RBFOX1: variants seen among roughly 807,000 people sequenced by gnomAD.
The protein encoded by RBFOX1 is RNA binding fox-1 homolog 1, also known as RNA binding protein fox-1 homolog 1.
RBFOX1 carries 8 observed loss-of-function variants against 57.7 expected under a neutral mutation model. That is an observed-to-expected ratio of 0.14 (90% confidence interval 0.08 to 0.25). RBFOX1 has a LOEUF of 0.25. RBFOX1 is among the 10% of genes least tolerant of loss of function. The pLI, the probability that RBFOX1 is intolerant of heterozygous loss-of-function variation, is 1.00. For missense variants in RBFOX1, 611 were observed against 548.5 expected (o/e 1.11, Z -1.14); for synonymous variants, 326 against 222.4 (o/e 1.47, Z -4.15).
intron 1 of RBFOX1, among the ~76,000 whole-genome samples, chr16:5,249,598 G>A (rs1013537840): frequency 5.3e-5 from 8 of 152,224 alleles, no homozygotes; most frequent in African/African-American, 1.4e-4. Flanking sequence ...GAGGGTCTAT[G>A]TGGTCTGAGT....
intron 2 of RBFOX1, among the ~76,000 whole-genome samples, chr16:5,536,824 G>T (rs1462308775): frequency 2.0e-5 from 3 of 152,054 alleles, no homozygotes; most frequent in Non-Finnish European, 1.5e-5. Context: ...GGGGGGAGTT[G>T]GTCAACAGAC....
rs73517584 is a variant in RBFOX1 at position 5,576,318 on chromosome 16, C to A, written c.259-22584C>A. Among the ~76,000 whole-genome samples, 505 of 152,160 alleles carry A rather than the reference C, an allele frequency of 3.3e-3. 4 individuals carry two copies. The highest frequency in any genetic ancestry group is 0.011 in the African/African-American group (471 of 41,516). The stretch of plus-strand genomic sequence containing the variant: ...AGAAGTTTTCATTTTTTGATGGGGT[C>A]CTGTTAAGATTACTTCATAATCCTT... On this transcript the variant is annotated intron_variant, in intron 2 of 2. Coordinates refer to the RBFOX1 transcript ENST00000585867.
At chr16:6,432,024 C>T (rs571150021) in intron 2 of RBFOX1, among the ~76,000 whole-genome samples, 91 of 151,372 alleles carry the variant, frequency 6.0e-4, no homozygotes, top group Non-Finnish European at 1.0e-3. Context: ...TGCCACTGCA[C>T]GACTATAGCT....
chr16:6,549,033 C>T (rs112115696), intron 2 of RBFOX1, among the ~76,000 whole-genome samples: 6 of 147,630 alleles, frequency 4.1e-5, no homozygotes, highest in African/African-American at 1.5e-4. Flanking sequence ...TGAGATCATG[C>T]CACTGCACTC....
At chr16:5,286,984 G>A (rs544092292) in intron 1 of RBFOX1, among the ~76,000 whole-genome samples, 6 of 152,282 alleles carry the variant, frequency 3.9e-5, no homozygotes, top group East Asian at 1.9e-4. Flanking sequence ...AAAGCAACCC[G>A]CTGTCAGAAT....
chr16:6,116,235 C>T (rs924278688), intron 1 of RBFOX1, among the ~76,000 whole-genome samples: 8 of 147,980 alleles, frequency 5.4e-5, no homozygotes, highest in African/African-American at 7.6e-5. Context: ...CACATGGACA[C>T]AGGGAGGGGA....
intron 3 of RBFOX1, among the ~76,000 whole-genome samples, chr16:5,819,263 C>T (rs193019041): frequency 4.7e-4 from 71 of 152,296 alleles, no homozygotes; most frequent in African/African-American, 1.5e-3. Flanking sequence ...AAGGATCATA[C>T]GAGCTCTCTG....
At chr16:7,040,987 C>G (rs1047882512) in intron 3 of RBFOX1, among the ~76,000 whole-genome samples, 1 of 151,210 alleles carries the variant, frequency 6.6e-6, no homozygotes, top group South Asian at 2.1e-4. Flanking sequence ...GCAATCTCTG[C>G]TCATTGCAAC....
At chr16:5,962,210 C>G (rs1438745195) in intron 4 of RBFOX1, among the ~76,000 whole-genome samples, 1 of 152,218 alleles carries the variant, frequency 6.6e-6, no homozygotes, top group Non-Finnish European at 1.5e-5. Context: ...GTCACATTCA[C>G]TCTTTATACC....
At chr16:5,503,259 A>C (rs887519172) in intron 2 of RBFOX1, among the ~76,000 whole-genome samples, 10 of 152,306 alleles carry the variant, frequency 6.6e-5, no homozygotes, top group South Asian at 6.2e-4. Context: ...AGGAAGATCC[A>C]AGAGGACCTC....
chr16:6,958,815 G>A (rs1598392453), intron 3 of RBFOX1, among the ~76,000 whole-genome samples: 1 of 152,146 alleles, frequency 6.6e-6, no homozygotes. Flanking sequence ...GTGTCATTAT[G>A]GAGATGAGGG....
At position 7,313,384 on chromosome 16, in the gene RBFOX1, G is replaced by A. The variant is rs190498568; in HGVS notation, c.28-204763G>A. On this transcript the variant is annotated intron_variant, in intron 4 of 15. Coordinates refer to ENST00000550418, the MANE Select transcript of RBFOX1 (RefSeq NM_018723.4). ...TGCAGTGGCAGAACCTTCCACTGGG[G>A]GTCTCCATTTAGAGTACGTGACTCA... Among the ~76,000 whole-genome samples, 3 of 151,784 alleles carry A rather than the reference G, an allele frequency of 2.0e-5. No individual in the cohort carries two copies. The East Asian group carries it at 5.8e-4, about 30-fold the overall frequency.
intron 3 of RBFOX1, among the ~76,000 whole-genome samples, chr16:6,968,473 T>G (rs142513223): frequency 6.6e-6 from 1 of 152,178 alleles, no homozygotes; most frequent in Admixed American, 6.5e-5. Context: ...ACCGAAAAAC[T>G]GAGGCTTCTC....
intron 2 of RBFOX1, among the ~76,000 whole-genome samples, chr16:6,430,636 G>A (rs974620665): frequency 2.0e-5 from 3 of 152,060 alleles, no homozygotes; most frequent in African/African-American, 7.2e-5. Flanking sequence ...AGGTGTGAGA[G>A]GAAACAAGCC....
At chr16:6,080,331 C>T (rs1369833190) in intron 1 of RBFOX1, among the ~76,000 whole-genome samples, 1 of 152,130 alleles carries the variant, frequency 6.6e-6, no homozygotes, top group Admixed American at 6.5e-5. Context: ...ACCTGGGTAT[C>T]TCTGACCTTC....
intron 11 of RBFOX1, among the ~76,000 whole-genome samples, chr16:7,643,049 A>G (rs544341589): frequency 6.6e-6 from 1 of 152,334 alleles, no homozygotes; most frequent in South Asian, 2.1e-4. Context: ...CTGTTGGATT[A>G]ATCTAGCCAT....
chr16:6,472,721 C>T (rs1046444944), intron 2 of RBFOX1, among the ~76,000 whole-genome samples: 4 of 151,734 alleles, frequency 2.6e-5, no homozygotes, highest in Non-Finnish European at 2.9e-5. Flanking sequence ...CCTCCCGGTT[C>T]AAGTGATTCT....
intron 4 of RBFOX1, among the ~76,000 whole-genome samples, chr16:7,130,543 A>G (rs750100223): frequency 6.6e-6 from 1 of 152,190 alleles, no homozygotes; most frequent in Non-Finnish European, 1.5e-5. Flanking sequence ...CTGCAAGTAT[A>G]TTCTGAATGA....
chr16:6,686,934 A>G (rs937247639), intron 3 of RBFOX1, among the ~76,000 whole-genome samples: 104 of 152,352 alleles, frequency 6.8e-4, no homozygotes, highest in Middle Eastern at 3.4e-3. Context: ...TTGTGTGTGT[A>G]TATAGATTCT....
Sources: allele counts gnomAD v4.1 joint callset (sites outside exome capture counted in the v4.1 genomes callset), GRCh38; gene constraint gnomAD v4.1.1; transcripts MANE v1.5; gene names NCBI Gene and HGNC (gene_info 2026-07-23, HGNC 2026-07-21).